Variants in CNKSR2 observed in about 807,000 individuals in gnomAD.
CNKSR2 encodes CNK homolog protein 2.
CNKSR2 carries 14 observed loss-of-function variants against 84.4 expected under a neutral mutation model. The observed-to-expected ratio is 0.17, with a 90% confidence interval of 0.11 to 0.26. CNKSR2 has a LOEUF of 0.26. Among genes scored for constraint, CNKSR2 ranks in the 10% least tolerant of loss-of-function variants. The probability of loss-of-function intolerance (pLI) is 1.00; values close to 1 mark genes in which losing one functional copy is unlikely to be tolerated. For synonymous variants in CNKSR2, 275 were observed against 277.9 expected (o/e 0.99, Z 0.10); for missense variants, 485 against 771.2 (o/e 0.63, Z 4.40).
At chrX:21,593,281 A>G (rs1249241517) in intron 15 of CNKSR2, 2 of 112,228 alleles carry the variant, frequency 1.8e-5, no homozygotes, top group Admixed American at 1.9e-4. Flanking sequence ...AAGAAAAAAT[A>G]TTCAAATACT....
At chrX:21,567,502 A>G (rs1247275491) in intron 13 of CNKSR2, among the ~76,000 whole-genome samples, 1 of 111,285 alleles carries the variant, frequency 9.0e-6, no homozygotes, top group Non-Finnish European at 1.9e-5. Flanking sequence ...GGTCAACCCC[A>G]CAGGGGCGAA....
chrX:21,610,111 G>A (rs1420095809), intron 20 of CNKSR2, among the ~76,000 whole-genome samples: 1 of 111,968 alleles, frequency 8.9e-6, no homozygotes. Flanking sequence ...AGATTTAAAG[G>A]AAAAATCCAA....
chrX:21,388,299 A>T (rs2090000513), intron 1 of CNKSR2, among the ~76,000 whole-genome samples: 1 of 112,542 alleles, frequency 8.9e-6, no homozygotes, highest in Admixed American at 9.4e-5. Context: ...AGAACAGATG[A>T]ACTAATAGAC....
chrX:21,463,811 C>T (rs941820786), intron 4 of CNKSR2, among the ~76,000 whole-genome samples: 4 of 111,041 alleles, frequency 3.6e-5, no homozygotes, highest in Non-Finnish European at 7.6e-5. Flanking sequence ...TGTGGCTGAG[C>T]TGGTATCCCA....
At chrX:21,506,965 C>T (rs1350338956) in intron 8 of CNKSR2, among the ~76,000 whole-genome samples, 1 of 106,989 alleles carries the variant, frequency 9.3e-6, no homozygotes, top group Non-Finnish European at 1.9e-5. Context: ...AAATCAGCAT[C>T]ATCCTCAGTC....
chrX:21,519,952 A>G (rs1390778056), intron 9 of CNKSR2, among the ~76,000 whole-genome samples: 1 of 111,405 alleles, frequency 9.0e-6, no homozygotes, highest in African/African-American at 3.2e-5. Context: ...CCTAAGATAG[A>G]AGATTGTCAA....
intron 11 of CNKSR2, among the ~76,000 whole-genome samples, chrX:21,557,110 G>C (rs1421001136): frequency 9.1e-6 from 1 of 110,494 alleles, no homozygotes; most frequent in African/African-American, 3.3e-5. Context: ...CCAGTAGAGT[G>C]AGCAGTTAAC....
At chrX:21,498,180 C>T (rs941953241) in intron 7 of CNKSR2, among the ~76,000 whole-genome samples, 7 of 111,597 alleles carry the variant, frequency 6.3e-5, no homozygotes, top group South Asian at 3.7e-4. Context: ...TAAACTCATG[C>T]GAGAAATAAA....
At chrX:21,386,625 A>T (rs1042380612) in intron 1 of CNKSR2, among the ~76,000 whole-genome samples, 2 of 112,442 alleles carry the variant, frequency 1.8e-5, no homozygotes, top group Non-Finnish European at 3.8e-5. Flanking sequence ...GTTCAAAGTT[A>T]TGCAAACATG....
intron 1 of CNKSR2, among the ~76,000 whole-genome samples, chrX:21,406,334 AG>A (rs979319723): frequency 1.2e-4 from 13 of 111,344 alleles, no homozygotes; most frequent in African/African-American, 3.6e-4. Context: ...GGGGCCAAAA[AG>A]GTTGGGGACT....
intron 20 of CNKSR2, among the ~76,000 whole-genome samples, chrX:21,624,950 A>G (rs1457300909): frequency 8.9e-6 from 1 of 112,128 alleles, no homozygotes; most frequent in Non-Finnish European, 1.9e-5. Flanking sequence ...GATAGAAGCC[A>G]TGAGGCTTGA....
intron 1 of CNKSR2, among the ~76,000 whole-genome samples, chrX:21,376,352 G>T (rs1343785458): frequency 2.7e-5 from 3 of 110,995 alleles, no homozygotes; most frequent in African/African-American, 9.9e-5. Context: ...CATTTACTTT[G>T]CTTTTCTTTT....
intron 3 of CNKSR2, among the ~76,000 whole-genome samples, chrX:21,435,341 A>T (rs751138383): frequency 3.0e-4 from 33 of 111,361 alleles, no homozygotes; most frequent in Non-Finnish European, 4.0e-4. Flanking sequence ...AATATTTTTG[A>T]TAACATTGCA....
At chrX:21,437,739 A>G (rs1230842299) in intron 3 of CNKSR2, among the ~76,000 whole-genome samples, 1 of 110,381 alleles carries the variant, frequency 9.1e-6, no homozygotes, top group African/African-American at 3.3e-5. Flanking sequence ...CATTAAAAAT[A>G]TTTTTATTGA....
intron 1 of CNKSR2, among the ~76,000 whole-genome samples, chrX:21,408,827 A>G (rs1359068419): frequency 2.7e-5 from 3 of 110,646 alleles, no homozygotes; most frequent in African/African-American, 9.9e-5. Flanking sequence ...ATAGACTCCT[A>G]TCTATGAAAC....
intron 1 of CNKSR2, among the ~76,000 whole-genome samples, chrX:21,395,857 A>G (rs1299016856): frequency 2.7e-5 from 3 of 111,374 alleles, no homozygotes; most frequent in Non-Finnish European, 5.7e-5. Context: ...CAAACACGAA[A>G]CTGTATGTGC....
chrX:21,451,096 G>A (rs1274199579), intron 4 of CNKSR2, among the ~76,000 whole-genome samples: 2 of 111,735 alleles, frequency 1.8e-5, no homozygotes, highest in Non-Finnish European at 3.8e-5. Flanking sequence ...TAAAATCAAT[G>A]TGTAATATTT....
chrX:21,480,380 C>T (rs968633022), intron 5 of CNKSR2, among the ~76,000 whole-genome samples: 1 of 112,210 alleles, frequency 8.9e-6, no homozygotes, highest in Admixed American at 9.4e-5. Context: ...CTGCTTCACT[C>T]TTGCTATTTG....
intron 5 of CNKSR2, among the ~76,000 whole-genome samples, chrX:21,476,241 T>C (rs778522909): frequency 1.3e-4 from 15 of 111,159 alleles, no homozygotes; most frequent in Non-Finnish European, 2.8e-4. Context: ...AATACCATAC[T>C]ATAAAGAAGG....
Sources: gnomAD v4.1 joint callset for allele counts (sites outside exome capture counted in the v4.1 genomes callset) on GRCh38, gnomAD v4.1.1 for gene constraint, MANE v1.5 for transcripts, NCBI Gene and HGNC (gene_info 2026-07-23, HGNC 2026-07-21) for gene names.